The following CDK14 variants were observed in gnomAD, a reference collection of about 807,000 sequenced individuals.
CDK14 encodes cyclin dependent kinase 14.
In CDK14, 34 loss-of-function variants were observed where a neutral mutation model predicts 60.7. The observed-to-expected ratio is 0.56, with a 90% CI of 0.43 to 0.75. The LOEUF is 0.75. Among genes scored for constraint, CDK14 ranks in the 30% least tolerant of loss-of-function variants. The pLI is 0.00. For synonymous variants in CDK14, 197 were observed against 203.7 expected, an observed-to-expected ratio of 0.97 and a Z score of 0.28; for missense variants, 482 against 564.1, an observed-to-expected ratio of 0.85 and a Z score of 1.47.
intron 14 of CDK14, among the ~76,000 whole-genome samples, chr7:91,144,155 G>A (rs1196183289): frequency 6.6e-6 from 1 of 152,150 alleles, no homozygotes; most frequent in Non-Finnish European, 1.5e-5. Context: ...TAATTAATCT[G>A]TAACTTGAAC....
At chr7:90,761,108 T>C (rs1420013877) in intron 4 of CDK14, among the ~76,000 whole-genome samples, 1 of 152,208 alleles carries the variant, frequency 6.6e-6, no homozygotes, top group African/African-American at 2.4e-5. Context: ...AGGATATTGT[T>C]TAAGCAAGAA....
intron 12 of CDK14, among the ~76,000 whole-genome samples, chr7:91,111,476 A>G (rs1365881458): frequency 1.3e-5 from 2 of 152,124 alleles, no homozygotes; most frequent in Non-Finnish European, 2.9e-5. Context: ...GAAACTGGAG[A>G]ATCCATTGGG....
chr7:90,908,724 G>A (rs1327104055), intron 7 of CDK14, among the ~76,000 whole-genome samples: 1 of 152,102 alleles, frequency 6.6e-6, no homozygotes, highest in Non-Finnish European at 1.5e-5. Flanking sequence ...TACAGCTCTA[G>A]GTATTTTCTC....
chr7:90,610,090 CAGTTTCT>C (rs1799507769), intron 2 of CDK14, among the ~76,000 whole-genome samples: 1 of 152,200 alleles, frequency 6.6e-6, no homozygotes, highest in Non-Finnish European at 1.5e-5. Context: ...TGCCGGCTTC[CAGTTTCT>C]AGATGATCCC....
intron 5 of CDK14, among the ~76,000 whole-genome samples, chr7:90,802,656 A>T (rs1788685448): frequency 6.6e-6 from 1 of 152,172 alleles, no homozygotes; most frequent in Admixed American, 6.6e-5. Context: ...TCCATTTCTT[A>T]AAGAGGATGA....
chr7:90,605,186 C>A (rs942161031), intron 2 of CDK14, among the ~76,000 whole-genome samples: 5 of 152,148 alleles, frequency 3.3e-5, no homozygotes, highest in Admixed American at 3.3e-4. Flanking sequence ...ATGGAAAGTC[C>A]CCTTGGCCAT....
intron 6 of CDK14, among the ~76,000 whole-genome samples, chr7:90,886,185 G>A (rs1030951551): frequency 6.6e-6 from 1 of 152,054 alleles, no homozygotes; most frequent in South Asian, 2.1e-4. Flanking sequence ...GAGTTGGCTT[G>A]CTTAACACCA....
intron 8 of CDK14, among the ~76,000 whole-genome samples, chr7:90,931,595 A>G (rs1793592589): frequency 6.6e-6 from 1 of 152,112 alleles, no homozygotes; most frequent in Non-Finnish European, 1.5e-5. Context: ...GGCTGATGTG[A>G]TGGGGGAAGG....
chr7:90,779,523 T>C (rs1263276310), intron 4 of CDK14, among the ~76,000 whole-genome samples: 2 of 152,168 alleles, frequency 1.3e-5, no homozygotes, highest in Non-Finnish European at 2.9e-5. Flanking sequence ...CTATTTCTTT[T>C]ATATAGCGTG....
intron 6 of CDK14, among the ~76,000 whole-genome samples, chr7:90,893,972 T>G (rs964903295): frequency 1.3e-5 from 2 of 152,186 alleles, no homozygotes; most frequent in African/African-American, 4.8e-5. Context: ...AGAACACATA[T>G]GTAAAGATTA....
rs994280942 is a variant in CDK14 at position 91,171,306 on chromosome 7, C to T, written c.*29-35859C>T. ...TGGAGCTTGCAGTGAGCCGAGATCG[C>T]GCCACTGCACTCCAGCCTGGGTGAC... On this transcript the variant is annotated intron_variant, in intron 14 of 14. Transcript: ENST00000380050. 2.6e-5 allele frequency among the ~76,000 whole-genome samples: 4 copies of T among 151,936 alleles called. 1 individual carries two copies. The highest frequency in any genetic ancestry group is 7.2e-5 in the African/African-American group (3 of 41,448).
intron 14 of CDK14, among the ~76,000 whole-genome samples, chr7:91,184,316 C>G (rs1013614728): frequency 6.7e-6 from 1 of 148,330 alleles, no homozygotes; most frequent in South Asian, 2.1e-4. Context: ...GAAGCTTCCA[C>G]AGTCTTAAGG....
At chr7:90,932,990 A>G (rs961270835) in intron 8 of CDK14, among the ~76,000 whole-genome samples, 2 of 152,200 alleles carry the variant, frequency 1.3e-5, no homozygotes, top group African/African-American at 4.8e-5. Context: ...GTTGGTATCA[A>G]AAGTACTGTC....
intron 4 of CDK14, among the ~76,000 whole-genome samples, chr7:90,782,460 T>C (rs1805378810): frequency 6.6e-6 from 1 of 152,164 alleles, no homozygotes; most frequent in Non-Finnish European, 1.5e-5. Flanking sequence ...TTAAACATAC[T>C]TTATATCTTT....
rs55664580 is a variant in CDK14 at position 90,899,332 on chromosome 7, G to T, written c.681G>T (p.Gly227=). Residue 227 remains glycine, a synonymous_variant, in exon 7 of 15, where the codon GGG becomes GGT. Coordinates refer to ENST00000380050, the MANE Select transcript of CDK14 (RefSeq NM_001287135.2). ...LCQYMDKHPG[G]LHPDNVKLFL... ...AGTACATGGACAAGCACCCTGGGGG[G>T]CTGCATCCAGATAATGTGAAGGTAG... 4,710 of 1,601,884 alleles carry T rather than the reference G, an allele frequency of 2.9e-3. 14 individuals carry two copies. Among genetic ancestry groups the T allele is most frequent in the Non-Finnish European group, 3.7e-3 (4,309 of 1,174,850 alleles).
At chr7:90,807,999 T>C (rs1162563344) in intron 5 of CDK14, among the ~76,000 whole-genome samples, 1 of 152,180 alleles carries the variant, frequency 6.6e-6, no homozygotes, top group Non-Finnish European at 1.5e-5. Context: ...TTGGTGTACC[T>C]GAAAGTGACG....
At chr7:91,203,559 G>A (rs1197745358) in intron 14 of CDK14, among the ~76,000 whole-genome samples, 2 of 152,112 alleles carry the variant, frequency 1.3e-5, no homozygotes, top group African/African-American at 4.8e-5. Context: ...TGATTAAAAT[G>A]GTAAAAGAGG....
intron 6 of CDK14, among the ~76,000 whole-genome samples, chr7:90,880,065 C>G (rs571914566): frequency 6.6e-6 from 1 of 152,360 alleles, no homozygotes; most frequent in African/African-American, 2.4e-5. Context: ...TCTGCTTAAG[C>G]CTATCAGACT....
intron 5 of CDK14, among the ~76,000 whole-genome samples, chr7:90,862,782 T>C (rs1791051313): frequency 6.6e-6 from 1 of 152,194 alleles, no homozygotes; most frequent in Non-Finnish European, 1.5e-5. Flanking sequence ...ATTTAAAGAA[T>C]TGGAATCATA....
Sources: gnomAD v4.1 joint callset for allele counts (sites outside exome capture counted in the v4.1 genomes callset) on GRCh38, gnomAD v4.1.1 for gene constraint, MANE v1.5 for transcripts, NCBI Gene and HGNC (gene_info 2026-07-23, HGNC 2026-07-21) for gene names.